DCAF5: variants seen among roughly 807,000 people sequenced by gnomAD.
DCAF5 encodes the protein DDB1- and CUL4-associated factor 5.
A neutral mutation model predicts 80.7 loss-of-function variants in DCAF5; 9 were observed. That is an observed-to-expected ratio of 0.11 (90% confidence interval 0.07 to 0.19). The LOEUF (loss-of-function observed/expected upper bound fraction) is 0.19, where lower values mean the gene tolerates loss of function less well. Ranked by LOEUF, DCAF5 falls within the 10% of genes least tolerant of loss-of-function variation. The pLI, the probability that DCAF5 is intolerant of heterozygous loss-of-function variation, is 1.00. For synonymous variants in DCAF5, 433 were observed against 461.9 expected, an observed-to-expected ratio of 0.94 and a Z score of 0.80; for missense variants, 842 against 1,205.7, an observed-to-expected ratio of 0.70 and a Z score of 4.47.
intron 1 of DCAF5, among the ~76,000 whole-genome samples, chr14:69,143,053 G>C (rs1305523544): frequency 1.3e-5 from 2 of 152,160 alleles, no homozygotes; most frequent in African/African-American, 4.8e-5. Flanking sequence ...CAGAATCTAG[G>C]TGAGGTGAGT....
At chr14:69,090,938 G>C in intron 6 of DCAF5, 1 of 608,886 alleles carries the variant, frequency 1.6e-6, no homozygotes. Context: ...CCTTAGATTT[G>C]TCTTTCTTCC....
rs1399112159 is a variant in DCAF5, at chr14:69,053,985, G to A, written c.2701C>T (p.Pro901Ser). The A allele has an allele frequency of 6.2e-7, 1 of 1,612,698 alleles. No homozygotes were observed. Among genetic ancestry groups the A allele is most frequent in the Non-Finnish European group, 8.5e-7 (1 of 1,179,200 alleles). The change falls in exon 9 of 9, where the codon CCC (proline) becomes TCC (serine). Residue 901 changes from proline (P) to serine (S), a missense_variant. Coordinates refer to ENST00000341516, the MANE Select transcript of DCAF5 (RefSeq NM_003861.3). Reference protein sequence around the residue: ...ETPNAGTREDPTDTPATDSSR... With the variant: ...ETPNAGTREDSTDTPATDSSR... ...CTATCTGTGGCTGGGGTGTCAGTGG[G>A]GTCCTCTCTTGTTCCAGCATTGGGG...
chr14:69,108,860 G>A (rs2140030317), intron 5 of DCAF5, among the ~76,000 whole-genome samples: 1 of 152,206 alleles, frequency 6.6e-6, no homozygotes, highest in Non-Finnish European at 1.5e-5. Flanking sequence ...CTTTTCTGTT[G>A]CAGTTTTCTA....
intron 7 of DCAF5, among the ~76,000 whole-genome samples, chr14:69,066,934 C>A (rs2038466467): frequency 6.6e-6 from 1 of 152,228 alleles, no homozygotes; most frequent in African/African-American, 2.4e-5. Flanking sequence ...AAGCTGAAAG[C>A]AATGTGGTCA....
At chr14:69,148,102 CAAAA>C (rs71446373) in intron 1 of DCAF5, among the ~76,000 whole-genome samples, 3 of 91,640 alleles carry the variant, frequency 3.3e-5, no homozygotes, top group East Asian at 2.8e-4. Context: ...ATTTTCTTCG[CAAAA>C]AAAAAAAAAA....
intron 3 of DCAF5, 159 bp downstream of exon 3, chr14:69,119,031 CTTTA>C: frequency 1.6e-6 from 1 of 642,246 alleles, no homozygotes; most frequent in South Asian, 2.8e-5. Context: ...TAAATCAAAA[CTTTA>C]TTTATTTCAA....
intron 1 of DCAF5, among the ~76,000 whole-genome samples, chr14:69,143,397 C>T (rs2140119195): frequency 6.6e-6 from 1 of 152,204 alleles, no homozygotes; most frequent in Non-Finnish European, 1.5e-5. Flanking sequence ...TTCTGTAAGC[C>T]TCAGTTCCCT....
chr14:69,100,040 T>C (rs1334778327), intron 5 of DCAF5, among the ~76,000 whole-genome samples: 1 of 152,188 alleles, frequency 6.6e-6, no homozygotes, highest in Non-Finnish European at 1.5e-5. Flanking sequence ...CTACCATGTT[T>C]CAGAAAGTGA....
chr14:69,066,479 G>C (rs2038447544), intron 7 of DCAF5, among the ~76,000 whole-genome samples: 1 of 152,114 alleles, frequency 6.6e-6, no homozygotes, highest in African/African-American at 2.4e-5. Context: ...TGAGGCCAAA[G>C]TCCCCATATA....
chr14:69,091,025 C>A, intron 6 of DCAF5: 1 of 716,460 alleles, frequency 1.4e-6, no homozygotes, highest in Non-Finnish European at 2.6e-6. Context: ...ATGGTTAAGA[C>A]AGAAAGGTGC....
chr14:69,053,629 G>T lies in DCAF5; in HGVS notation c.*228C>A. 1 of 492,148 alleles carries T rather than the reference G, an allele frequency of 2.0e-6. No individual in the cohort carries two copies. The highest frequency in any genetic ancestry group is 3.4e-6 in the Non-Finnish European group (1 of 291,678). 30.5% of individuals were successfully genotyped at this position (492,148 alleles called of 1,614,324 possible). On this transcript the variant is annotated 3_prime_UTR_variant, in exon 9 of 9. Transcript: ENST00000341516. ...ACGTCTCACTAGAAAGGAGTCACTT[G>T]GGTTATTTTTTTTTCCCCTTTCTTA...
At position 69,054,471 on chromosome 14, in the gene DCAF5, T is replaced by C; in HGVS notation, c.2215A>G (p.Arg739Gly). The change falls in exon 9 of 9, where the codon AGA becomes GGA. Residue 739 changes from arginine to glycine, a missense_variant. By Grantham distance (125) the Arg-to-Gly change is moderately radical. Transcript: ENST00000341516. ...TGGCCTGGGCCATTGCTGGGAGTTC[T>C]AGGAGTCTCTTCTTTAAAAGTGTCC... ...SKDTFKEETP[R>G]TPSNGPGHEH... The C allele has an allele frequency of 6.2e-7, 1 of 1,614,058 alleles. No homozygotes were observed. The highest frequency in any genetic ancestry group is 8.5e-7 in the Non-Finnish European group (1 of 1,179,992).
intron 6 of DCAF5, among the ~76,000 whole-genome samples, chr14:69,077,469 G>A (rs1475182722): frequency 4.6e-5 from 7 of 151,826 alleles, no homozygotes; most frequent in African/African-American, 7.3e-5. Context: ...CTGCAGCCTC[G>A]ACCTCCTGGG....
intron 1 of DCAF5, among the ~76,000 whole-genome samples, chr14:69,135,810 C>T (rs1262554732): frequency 2.0e-5 from 3 of 152,064 alleles, no homozygotes; most frequent in Admixed American, 6.5e-5. Context: ...TTAAAATATA[C>T]AATGAAATGT....
chr14:69,083,506 G>A lies in DCAF5; in HGVS notation c.880-8095C>T, dbSNP rs193020925. 1.5e-3 allele frequency: 503 copies of A among 331,890 alleles called. 2 individuals carry two copies. The highest frequency in any genetic ancestry group is 0.01 in the African/African-American group (449 of 44,800). The allele number at this position is 331,890 out of a possible 1,614,324, so 20.6% of individuals were successfully genotyped here. A position where few individuals can be genotyped will look rare whatever the true frequency, so the allele number is the denominator to read the frequency against. ...GGGGGCCTCAAATCTGACCCTGTCCGAAACTCAAAATACAGATGTGTCTGA... is the reference window on the plus strand; with the variant it reads ...GGGGGCCTCAAATCTGACCCTGTCCAAAACTCAAAATACAGATGTGTCTGA... On this transcript the variant is annotated intron_variant, in intron 6 of 8. Transcript: ENST00000341516.
chr14:69,083,566 A>G, intron 6 of DCAF5: 1 of 429,016 alleles, frequency 2.3e-6, no homozygotes, highest in South Asian at 2.4e-5. Flanking sequence ...TAAAAAATCA[A>G]AACATTCTAT....
intron 5 of DCAF5, among the ~76,000 whole-genome samples, chr14:69,105,913 T>TCA (rs2040122446): frequency 5.4e-5 from 1 of 18,646 alleles, no homozygotes; most frequent in Non-Finnish European, 1.8e-4. Context: ...TAATAAACTG[T>TCA]CATATATATA....
chr14:69,135,360 C>G (rs2041158870), intron 1 of DCAF5, among the ~76,000 whole-genome samples: 1 of 152,140 alleles, frequency 6.6e-6, no homozygotes, highest in African/African-American at 2.4e-5. Flanking sequence ...CTTGATGAAG[C>G]AGTAAAAATA....
intron 1 of DCAF5, among the ~76,000 whole-genome samples, chr14:69,139,567 A>G (rs2041297869): frequency 6.7e-6 from 1 of 150,368 alleles, no homozygotes; most frequent in African/African-American, 2.4e-5. Context: ...TAATCCCAGT[A>G]CTTTGGGAGG....
Sources: gnomAD v4.1 joint callset for allele counts (sites outside exome capture counted in the v4.1 genomes callset) on GRCh38, gnomAD v4.1.1 for gene constraint, MANE v1.5 for transcripts, NCBI Gene and HGNC (gene_info 2026-07-23, HGNC 2026-07-21) for gene names.